The following MOCOS variants were observed in gnomAD, a reference collection of about 807,000 sequenced individuals.
MOCOS encodes human molybdenum cofactor sulfurase.
Under a neutral mutation model 83.6 loss-of-function variants are expected in MOCOS, and 86 were observed. The ratio of observed to expected loss-of-function variants is 1.03; its 90% CI spans 0.86 to 1.23. The LOEUF (loss-of-function observed/expected upper bound fraction) is 1.23, where lower values mean the gene tolerates loss of function less well. Ranked by LOEUF, MOCOS falls within the 50% of genes most tolerant of loss-of-function variation. MOCOS has a pLI of 0.00. For synonymous variants in MOCOS, 445 were observed against 434.7 expected, an observed-to-expected ratio of 1.02 and a Z score of -0.29; for missense variants, 1,120 against 1,126.9, an observed-to-expected ratio of 0.99 and a Z score of 0.09.
At position 36,220,067 on chromosome 18, in the gene MOCOS, C is replaced by T. The variant is rs2091490230; in HGVS notation, c.1810C>T (p.Pro604Ser). 1 of 1,612,910 alleles carries T rather than the reference C, an allele frequency of 6.2e-7. No individual in the cohort carries two copies. Among genetic ancestry groups the T allele is most frequent in the African/African-American group, 1.3e-5 (1 of 74,860 alleles). ...CCTTTTTGTTTAGGTGACCAGGTGG[C>T]CTGTAGGAAACCAAGGGCTGCTATA... The part of the protein sequence containing the change: ...SCAAFEVTRW[P>S]VGNQGLLYDR... Residue 604 changes from proline to serine, a missense_variant, in exon 9 of 15, where the codon CCT (proline) becomes TCT (serine). Pro to Ser is a moderately conservative substitution (Grantham distance 74). Transcript: ENST00000261326.
At chr18:36,203,580 T>C (rs1274766309) in intron 5 of MOCOS, among the ~76,000 whole-genome samples, 1 of 152,140 alleles carries the variant, frequency 6.6e-6, no homozygotes, top group East Asian at 1.9e-4. Flanking sequence ...GAGCTGATGC[T>C]CAGAGAGGTT....
In MOCOS at chr18:36,187,507, G is replaced by A. The variant is rs747538657; in HGVS notation, c.-33G>A. On this transcript the variant is annotated 5_prime_UTR_variant, in exon 1 of 15. Coordinates refer to ENST00000261326, the MANE Select transcript of MOCOS (RefSeq NM_017947.4). ...GGGGGCCGGCTTCGCGCACTTCCCG[G>A]GCCCGGCCGGCCTGGATGGACTAGC... 1.7e-5 allele frequency: 21 copies of A among 1,228,160 alleles called. 1 individual carries two copies. Among genetic ancestry groups the A allele is most frequent in the Non-Finnish European group, 1.0e-6 (1 of 985,190 alleles). The allele number at this position is 1,228,160 out of a possible 1,614,324, so 76.1% of individuals were successfully genotyped here.
intron 13 of MOCOS, among the ~76,000 whole-genome samples, chr18:36,263,646 T>A (rs899885698): frequency 1.3e-5 from 2 of 152,068 alleles, no homozygotes; most frequent in Non-Finnish European, 2.9e-5. Flanking sequence ...CCGGGGACAA[T>A]CTGGGATGTC....
At position 36,268,988 on chromosome 18, in the gene MOCOS, T is replaced by G. The variant is rs2091690934; in HGVS notation, c.*303T>G. The G allele has an allele frequency of 2.7e-6, 1 of 367,010 alleles. No homozygotes were observed. Among genetic ancestry groups the G allele is most frequent in the South Asian group, 3.1e-5 (1 of 31,948 alleles). The allele number at this position is 367,010 out of a possible 1,614,324, so 22.7% of individuals were successfully genotyped here. ...AGATGAAATTTTTAATGAAGTTCAC[T>G]GGGAAGATTGAACTTACTGCGGGTC... On this transcript the variant is annotated 3_prime_UTR_variant, in exon 15 of 15. Transcript: ENST00000261326.
intron 1 of MOCOS, among the ~76,000 whole-genome samples, chr18:36,192,910 A>C (rs1261412483): frequency 4.6e-5 from 7 of 152,126 alleles, no homozygotes; most frequent in Non-Finnish European, 1.0e-4. Flanking sequence ...CAGCTTCCCC[A>C]AGTGCTGAGA....
chr18:36,228,257 G>A (rs2091525054), intron 9 of MOCOS, among the ~76,000 whole-genome samples: 1 of 152,168 alleles, frequency 6.6e-6, no homozygotes, highest in African/African-American at 2.4e-5. Flanking sequence ...TAGCCATTGT[G>A]GAAGATAGTC....
At chr18:36,200,834 C>T (rs867044008) in intron 4 of MOCOS, among the ~76,000 whole-genome samples, 1 of 152,198 alleles carries the variant, frequency 6.6e-6, no homozygotes, top group Admixed American at 6.5e-5. Flanking sequence ...AGCAGAGGCC[C>T]CCAGACTTGT....
intron 12 of MOCOS, among the ~76,000 whole-genome samples, chr18:36,259,270 C>T (rs1369364847): frequency 1.3e-5 from 2 of 151,576 alleles, no homozygotes; most frequent in African/African-American, 2.4e-5. Flanking sequence ...TAGTGAGACC[C>T]CATCTCTAAA....
rs527358418 is a variant in MOCOS, at chr18:36,271,957, C to A, written c.*3272C>A. ...TGAACAGGTTCTAGAGTTTCAGAAA[C>A]AAAAGAAACAGAACCAACATTTATA... On this transcript the variant is annotated 3_prime_UTR_variant, in exon 15 of 15. Transcript: ENST00000261326. 1.3e-5 allele frequency: 2 copies of A among 152,176 alleles called. No homozygotes were observed. Among genetic ancestry groups the A allele is most frequent in the African/African-American group, 4.8e-5 (2 of 41,518 alleles). The allele number at this position is 152,176 out of a possible 1,614,324, so 9.4% of individuals were successfully genotyped here. A position where few individuals can be genotyped will look rare whatever the true frequency, so the allele number is the denominator to read the frequency against.
At chr18:36,226,727 G>GTTTTTT (rs2091517373) in intron 9 of MOCOS, among the ~76,000 whole-genome samples, 1 of 120,090 alleles carries the variant, frequency 8.3e-6, no homozygotes, top group African/African-American at 3.3e-5. Flanking sequence ...TTTTTTTTTG[G>GTTTTTT]TGTGTAGTTA....
intron 12 of MOCOS, among the ~76,000 whole-genome samples, chr18:36,258,988 C>G (rs555780247): frequency 6.8e-6 from 1 of 146,660 alleles, no homozygotes; most frequent in East Asian, 2.1e-4. Context: ...TAGTTTCACC[C>G]ATTCTTCAAC....
rs2091694816 is a variant in MOCOS, at chr18:36,270,210, A to G, written c.*1525A>G. The stretch of plus-strand genomic sequence containing the variant: ...AACGCAACCTCTTCAAAGACTCAGC[A>G]CTGCCACATCATATGAGTGGACTTG... On this transcript the variant is annotated 3_prime_UTR_variant, in exon 15 of 15. Transcript: ENST00000261326. 1 of 152,210 alleles carries G rather than the reference A, an allele frequency of 6.6e-6. No homozygotes were observed. The highest frequency in any genetic ancestry group is 2.1e-4 in the South Asian group (1 of 4,828). The allele number at this position is 152,210 out of a possible 1,614,324, so 9.4% of individuals were successfully genotyped here.
intron 6 of MOCOS, among the ~76,000 whole-genome samples, chr18:36,212,873 G>A (rs2091460252): frequency 6.6e-6 from 1 of 152,172 alleles, no homozygotes; most frequent in South Asian, 2.1e-4. Context: ...CCAGGCCCTT[G>A]GGGAATGGAG....
intron 5 of MOCOS, among the ~76,000 whole-genome samples, chr18:36,203,532 C>A (rs973300791): frequency 1.3e-5 from 2 of 152,126 alleles, no homozygotes; most frequent in African/African-American, 4.8e-5. Context: ...CTTTCTGGGT[C>A]CTCCCCACTG....
In MOCOS at chr18:36,251,632, C is replaced by T. The variant is rs542098145; in HGVS notation, c.2164+349C>T. Among the ~76,000 whole-genome samples the T allele has an allele frequency of 3.3e-5, 5 of 152,330 alleles. No homozygotes were observed. The South Asian group carries it at 1.0e-3, about 32-fold the overall frequency. On this transcript the variant is annotated intron_variant, in intron 11 of 14. Transcript: ENST00000261326. ...TGGATCTGGAAGCAAGGAAACCTGG[C>T]TTGCTAGTTTTTAGCTCTATCACCA...
intron 1 of MOCOS, among the ~76,000 whole-genome samples, chr18:36,194,963 A>T (rs1172323929): frequency 2.0e-5 from 3 of 152,216 alleles, no homozygotes; most frequent in Non-Finnish European, 4.4e-5. Context: ...CTTTGCCATC[A>T]TTCATCACGA....
At position 36,259,942 on chromosome 18, in the gene MOCOS, A is replaced by G. The variant is rs1378770109; in HGVS notation, c.2271-95A>G. Reference sequence around the variant, plus strand: ...GCACAGGCCACAGTAGAGCTGATGAAGTTAGGTGTTACATGGCAGGCATGA... The same window carrying G: ...GCACAGGCCACAGTAGAGCTGATGAGGTTAGGTGTTACATGGCAGGCATGA... On this transcript the variant is annotated intron_variant, in intron 12 of 14. Transcript: ENST00000261326. 2.0e-6 allele frequency: 3 copies of G among 1,514,232 alleles called. No homozygotes were observed. The African/African-American group carries it at 4.1e-5, about 21-fold the overall frequency. The allele number at this position is 1,514,232 out of a possible 1,614,324, so 93.8% of individuals were successfully genotyped here.
chr18:36,256,894 A>G (rs562723160), intron 11 of MOCOS, 74 bp from the exon 12 acceptor site: 1 of 1,286,424 alleles, frequency 7.8e-7, no homozygotes, highest in African/African-American at 1.5e-5. Flanking sequence ...TTAAAAAAAT[A>G]CAAGTCTATG....
chr18:36,219,640 C>T (rs565902136), intron 8 of MOCOS, among the ~76,000 whole-genome samples: 7 of 152,134 alleles, frequency 4.6e-5, no homozygotes, highest in Non-Finnish European at 1.0e-4. Flanking sequence ...GATTGCACCA[C>T]TACACTCCAG....
Sources: gnomAD v4.1 joint callset for allele counts (sites outside exome capture counted in the v4.1 genomes callset) on GRCh38, gnomAD v4.1.1 for gene constraint, MANE v1.5 for transcripts, NCBI Gene and HGNC (gene_info 2026-07-23, HGNC 2026-07-21) for gene names.